The following DMBT1 variants were observed in gnomAD, a reference collection of about 807,000 sequenced individuals.
DMBT1 encodes scavenger receptor cysteine-rich domain-containing protein DMBT1.
In DMBT1, 198 loss-of-function variants were observed where a neutral mutation model predicts 252.9. That is an observed-to-expected ratio of 0.78 (90% confidence interval 0.70 to 0.88). DMBT1 has a LOEUF of 0.88. DMBT1 is among the 40% of genes least tolerant of loss of function. DMBT1 has a pLI of 0.00. For synonymous variants in DMBT1, 990 were observed against 942.7 expected (o/e 1.05, Z -0.92); for missense variants, 2,432 against 2,404.7 (o/e 1.01, Z -0.24).
intron 46 of DMBT1, among the ~76,000 whole-genome samples, chr10:122,629,611 G>A (rs3013176): frequency 6.6e-6 from 1 of 152,058 alleles, no homozygotes; most frequent in African/African-American, 2.4e-5. Flanking sequence ...TCACCTCCTC[G>A]CAGAGGGTTG....
chr10:122,579,231 A>G (rs543372284), intron 9 of DMBT1, among the ~76,000 whole-genome samples: 1 of 152,218 alleles, frequency 6.6e-6, no homozygotes, highest in African/African-American at 2.4e-5. Flanking sequence ...TCTGCCAGTC[A>G]GATCCCAGAT....
intron 1 of DMBT1, among the ~76,000 whole-genome samples, chr10:122,561,102 G>A (rs781076218): frequency 6.6e-6 from 1 of 152,184 alleles, no homozygotes; most frequent in African/African-American, 2.4e-5. Context: ...TGATTGATTT[G>A]TCTTAGAAAA....
intron 2 of DMBT1, among the ~76,000 whole-genome samples, chr10:122,568,795 T>C (rs537858764): frequency 6.6e-6 from 1 of 152,306 alleles, no homozygotes; most frequent in South Asian, 2.1e-4. Flanking sequence ...TAACATTCCC[T>C]TGGGTGACTT....
rs2097588348 is a variant in DMBT1, at chr10:122,566,119, G to C, written c.91+123G>C. Reference sequence around the variant, plus strand: ...GCAAACGCCTGCCTTGTCGAATGCAGGAATGCCGGGGGGACAGGAGACGTG... The same window carrying C: ...GCAAACGCCTGCCTTGTCGAATGCACGAATGCCGGGGGGACAGGAGACGTG... On this transcript the variant is annotated intron_variant, in intron 2 of 55. Coordinates refer to ENST00000338354, the MANE Select transcript of DMBT1 (RefSeq NM_001377530.1). 6.2e-6 allele frequency: 6 copies of C among 969,922 alleles called. No individual in the cohort carries two copies. In the South Asian group the frequency reaches 8.4e-5, roughly 14 times the overall value. The allele number at this position is 969,922 out of a possible 1,614,324, so 60.1% of individuals were successfully genotyped here.
chr10:122,578,294 C>A (rs757558647), intron 8 of DMBT1, among the ~76,000 whole-genome samples: 3 of 152,200 alleles, frequency 2.0e-5, no homozygotes, highest in Non-Finnish European at 2.9e-5. Context: ...AGAGGCCATG[C>A]TGAGGGGAGA....
rs1187765967 is a variant in DMBT1, at chr10:122,637,167, G to A, written c.6797G>A (p.Ser2266Asn). Residue 2266 changes from serine to asparagine, a missense_variant, in exon 54 of 56, where the codon AGC (serine) becomes AAC (asparagine). Ser to Asn is a conservative substitution (Grantham distance 46). This residue lies in a region of DMBT1 where 1,162 missense variants were observed against 1,169.0 expected (regional missense o/e 0.99). Transcript: ENST00000338354. ...CCAAATCACATGCAAGCCAGTGTGA[G>A]CAGGAGCTATCTCCAATCCTTGGGC... Reference protein sequence around the residue: ...CLPNHMQASVSRSYLQSLGFS... With the variant: ...CLPNHMQASVNRSYLQSLGFS... 5 of 1,613,896 alleles carry A rather than the reference G, an allele frequency of 3.1e-6. No homozygotes were observed. The South Asian group carries it at 5.5e-5, about 18-fold the overall frequency.
intron 4 of DMBT1, 129 bp downstream of exon 4, chr10:122,571,066 G>C (rs1359153402): frequency 1.8e-6 from 2 of 1,141,618 alleles, no homozygotes; most frequent in Admixed American, 1.8e-5. Context: ...AGGTAGTGTG[G>C]ATATCACCTT....
At chr10:122,580,166 TC>T (rs2097755501) in intron 10 of DMBT1, among the ~76,000 whole-genome samples, 1 of 145,114 alleles carries the variant, frequency 6.9e-6, no homozygotes, top group South Asian at 2.2e-4. Context: ...AAGTGCCGGC[TC>T]CCCAGGGCTC....
chr10:122,620,945 A>C (rs894560391), intron 43 of DMBT1, 112 bp from the exon 44 acceptor site: 1 of 1,549,112 alleles, frequency 6.5e-7, no homozygotes, highest in African/African-American at 1.4e-5. Context: ...TTCAAAGGTG[A>C]TTACCTGCAC....
rs553874772 is a variant in DMBT1 at position 122,580,650 on chromosome 10, T to C, written c.1004-216T>C. On this transcript the variant is annotated intron_variant, in intron 10 of 55. Transcript: ENST00000338354. ...ACCGGGTTACCCTGGGCAGACACAATTTGATCACCTCAGAGCTGGCAATAG... is the reference window on the plus strand; with the variant it reads ...ACCGGGTTACCCTGGGCAGACACAACTTGATCACCTCAGAGCTGGCAATAG... Among the ~76,000 whole-genome samples the C allele has an allele frequency of 3.8e-4, 58 of 152,032 alleles. 1 individual carries two copies. The East Asian group carries it at 0.011, about 28-fold the overall frequency.
intron 46 of DMBT1, 45 bp from the exon 47 acceptor site, chr10:122,629,795 C>T: frequency 6.3e-7 from 1 of 1,594,152 alleles, no homozygotes; most frequent in South Asian, 1.1e-5. Flanking sequence ...TCACAAAATA[C>T]CTGAAGACCT....
intron 18 of DMBT1, 70 bp from the exon 19 acceptor site, chr10:122,591,409 G>A: frequency 1.4e-6 from 2 of 1,473,206 alleles, no homozygotes; most frequent in Non-Finnish European, 1.9e-6. Flanking sequence ...GCCTTGTCCA[G>A]AGACCTTTCC....
At chr10:122,581,052 C>T (rs551714291) in intron 11 of DMBT1, among the ~76,000 whole-genome samples, 157 bp downstream of exon 11, 10 of 148,630 alleles carry the variant, frequency 6.7e-5, no homozygotes, top group South Asian at 2.3e-4. Context: ...CCCAGCACAG[C>T]GCTTTTTAAA....
At chr10:122,591,424 G>A (rs1362384675) in intron 18 of DMBT1, 55 bp from the exon 19 acceptor site, 3 of 1,528,720 alleles carry the variant, frequency 2.0e-6, no homozygotes, top group African/African-American at 2.7e-5. Context: ...CTTTCCTTTT[G>A]GAGCTTTTCT....
chr10:122,590,627 T>G, intron 17 of DMBT1, 38 bp from the exon 18 acceptor site: 1 of 1,586,054 alleles, frequency 6.3e-7, no homozygotes, highest in Non-Finnish European at 8.6e-7. Context: ...TGCCAGCTTC[T>G]GTATAGTGCA....
At chr10:122,631,962 C>G in intron 50 of DMBT1, 87 bp downstream of exon 50, 2 of 1,455,332 alleles carry the variant, frequency 1.4e-6, no homozygotes, top group Non-Finnish European at 1.9e-6. Context: ...ATGTTGCTCA[C>G]TCTCCAAGGA....
intron 2 of DMBT1, among the ~76,000 whole-genome samples, chr10:122,566,775 T>C (rs1377975946): frequency 6.6e-6 from 1 of 152,234 alleles, no homozygotes; most frequent in Non-Finnish European, 1.5e-5. Context: ...GCTCAACTAA[T>C]GCACATAGTG....
At chr10:122,634,411 T>TTC (rs769891803) in intron 52 of DMBT1, among the ~76,000 whole-genome samples, 2 of 99,874 alleles carry the variant, frequency 2.0e-5, no homozygotes, top group East Asian at 2.8e-4. Flanking sequence ...TTTTCTTTCT[T>TTC]TCTCTCTCTC....
In DMBT1 at chr10:122,617,275, C is replaced by T. The variant is rs750721681; in HGVS notation, c.4891+15C>T. 5 of 1,608,694 alleles carry T rather than the reference C, an allele frequency of 3.1e-6. No individual in the cohort carries two copies. Among genetic ancestry groups the T allele is most frequent in the Non-Finnish European group, 4.2e-6 (5 of 1,178,034 alleles). On this transcript the variant is annotated intron_variant, in intron 40 of 55. Coordinates refer to ENST00000338354, the MANE Select transcript of DMBT1 (RefSeq NM_001377530.1). ...ATCAACAGCAGGTAAACAATCCTCT[C>T]ACCCCTCCCTAGGGCTCACTATCTC...
Sources: allele counts gnomAD v4.1 joint callset (sites outside exome capture counted in the v4.1 genomes callset), GRCh38; gene constraint gnomAD v4.1.1; regional missense constraint gnomAD v4.1.1; transcripts MANE v1.5; gene names NCBI Gene and HGNC (gene_info 2026-07-23, HGNC 2026-07-21).